The following FARS2 variants were observed in gnomAD, a reference collection of about 807,000 sequenced individuals.
FARS2 encodes the protein phenylalanyl-tRNA synthetase 2, mitochondrial, also known as phenylalanine--tRNA ligase, mitochondrial.
Under a neutral mutation model 46.4 loss-of-function variants are expected in FARS2, and 40 were observed. The ratio of observed to expected loss-of-function variants is 0.86; its 90% CI spans 0.67 to 1.12. FARS2 has a LOEUF of 1.12. FARS2 is among the 50% of genes most tolerant of loss of function. The pLI is 0.00. For missense variants in FARS2, 513 were observed against 567.9 expected (o/e 0.90, Z 0.98); for synonymous variants, 234 against 214.9 (o/e 1.09, Z -0.78).
chr6:5,725,144 G>A (rs1760166189), intron 6 of FARS2, among the ~76,000 whole-genome samples: 1 of 152,270 alleles, frequency 6.6e-6, no homozygotes, highest in South Asian at 2.1e-4. Context: ...ATGATGCGGA[G>A]CAGACACCCC....
chr6:5,409,875 C>T (rs1761832848), intron 3 of FARS2, among the ~76,000 whole-genome samples: 1 of 152,166 alleles, frequency 6.6e-6, no homozygotes, highest in Admixed American at 6.5e-5. Context: ...TTGCCACGAG[C>T]TGTTGTTGTA....
chr6:5,472,956 T>C (rs1005367366), intron 4 of FARS2, among the ~76,000 whole-genome samples: 1 of 152,164 alleles, frequency 6.6e-6, no homozygotes, highest in African/African-American at 2.4e-5. Context: ...AAAGAAAAAG[T>C]GTGTTAATAT....
intron 1 of FARS2, among the ~76,000 whole-genome samples, chr6:5,324,150 A>G (rs1317227288): frequency 2.0e-5 from 3 of 152,174 alleles, no homozygotes; most frequent in African/African-American, 7.2e-5. Flanking sequence ...GTTTTATCTA[A>G]AGTAAACCGG....
At chr6:5,587,613 C>T (rs1201416886) in intron 5 of FARS2, among the ~76,000 whole-genome samples, 3 of 152,182 alleles carry the variant, frequency 2.0e-5, no homozygotes, top group Non-Finnish European at 4.4e-5. Context: ...CTTGAAGATT[C>T]ACACAGCCCA....
At chr6:5,484,466 A>G (rs1336236072) in intron 4 of FARS2, among the ~76,000 whole-genome samples, 1 of 152,198 alleles carries the variant, frequency 6.6e-6, no homozygotes, top group Admixed American at 6.5e-5. Context: ...ACCACATGTG[A>G]CTGGTGAACT....
rs546063288 is a variant in FARS2 at position 5,274,862 on chromosome 6, C to T, written c.-22+13202C>T. ...AGTAGCTGGGACTACAGGTGCATGCCACCTCACCCAGCTAATTAAAACAAA... is the reference window on the plus strand; with the variant it reads ...AGTAGCTGGGACTACAGGTGCATGCTACCTCACCCAGCTAATTAAAACAAA... On this transcript the variant is annotated intron_variant, in intron 1 of 6. Transcript: ENST00000274680. Among the ~76,000 whole-genome samples the T allele has an allele frequency of 5.9e-5, 9 of 152,220 alleles. No homozygotes were observed. The South Asian group carries it at 6.2e-4, about 11-fold the overall frequency.
intron 5 of FARS2, among the ~76,000 whole-genome samples, chr6:5,607,494 T>C (rs1774911229): frequency 6.6e-6 from 1 of 152,078 alleles, no homozygotes. Context: ...AAATAAAATA[T>C]ATTGATAATC....
intron 6 of FARS2, among the ~76,000 whole-genome samples, chr6:5,694,055 A>T (rs748639300): frequency 1.3e-5 from 2 of 152,210 alleles, no homozygotes; most frequent in Non-Finnish European, 2.9e-5. Flanking sequence ...GCACTGGAAG[A>T]TCATGTAAGT....
chr6:5,379,550 G>A (rs1259462772), intron 2 of FARS2, among the ~76,000 whole-genome samples: 5 of 152,148 alleles, frequency 3.3e-5, no homozygotes, highest in Admixed American at 6.5e-5. Flanking sequence ...CCTCCTTCCC[G>A]CAGCTGTGGT....
chr6:5,262,658 C>T (rs1363318225), intron 1 of FARS2, among the ~76,000 whole-genome samples: 1 of 152,160 alleles, frequency 6.6e-6, no homozygotes, highest in Admixed American at 6.5e-5. Flanking sequence ...ACCTGGTGTC[C>T]TTGCATCCAG....
chr6:5,324,559 T>C (rs897429909), intron 1 of FARS2, among the ~76,000 whole-genome samples: 3 of 151,960 alleles, frequency 2.0e-5, no homozygotes, highest in African/African-American at 4.8e-5. Flanking sequence ...TTCTCACTTA[T>C]TGGTCTGCTT....
chr6:5,724,494 C>T (rs1760124998), intron 6 of FARS2, among the ~76,000 whole-genome samples: 1 of 152,214 alleles, frequency 6.6e-6, no homozygotes, highest in African/African-American at 2.4e-5. Context: ...GGGTGGCCCA[C>T]AGCCAAGGAA....
At chr6:5,346,927 T>C (rs1027992994) in intron 1 of FARS2, among the ~76,000 whole-genome samples, 5 of 147,356 alleles carry the variant, frequency 3.4e-5, no homozygotes, top group African/African-American at 1.2e-4. Context: ...TTTTTTTTTT[T>C]AATTGAGATG....
chr6:5,335,838 T>G (rs1771120485), intron 1 of FARS2, among the ~76,000 whole-genome samples: 2 of 152,232 alleles, frequency 1.3e-5, no homozygotes, highest in South Asian at 4.1e-4. Context: ...CTCATTTTAA[T>G]TTAGTCATAT....
At chr6:5,762,894 G>A (rs76717151) in intron 6 of FARS2, among the ~76,000 whole-genome samples, 1,925 of 152,322 alleles carry the variant, frequency 0.013, 21 homozygotes, top group Non-Finnish European at 0.019. Flanking sequence ...TGGGAGCTGG[G>A]GGAGGCACCG....
chr6:5,539,054 A>T (rs183022234), intron 4 of FARS2, among the ~76,000 whole-genome samples: 140 of 152,164 alleles, frequency 9.2e-4, no homozygotes, highest in African/African-American at 3.2e-3. Context: ...AGGTAGAGCC[A>T]GTCTCCTCTC....
At chr6:5,587,812 C>T (rs762945022) in intron 5 of FARS2, among the ~76,000 whole-genome samples, 1 of 152,050 alleles carries the variant, frequency 6.6e-6, no homozygotes. Flanking sequence ...CATTGTGTGA[C>T]CTTGGGATCA....
chr6:5,353,133 C>T (rs1251430081), intron 1 of FARS2, among the ~76,000 whole-genome samples: 2 of 152,164 alleles, frequency 1.3e-5, no homozygotes, highest in East Asian at 3.8e-4. Flanking sequence ...TTCTTTAGCT[C>T]CCGCATGAGT....
chr6:5,520,596 C>T (rs1002617543), intron 4 of FARS2, among the ~76,000 whole-genome samples: 1 of 152,174 alleles, frequency 6.6e-6, no homozygotes, highest in Non-Finnish European at 1.5e-5. Context: ...GTTGTCTACC[C>T]TCCTTCCTCT....
Sources: allele counts gnomAD v4.1 joint callset (sites outside exome capture counted in the v4.1 genomes callset), GRCh38; gene constraint gnomAD v4.1.1; transcripts MANE v1.5; gene names NCBI Gene and HGNC (gene_info 2026-07-23, HGNC 2026-07-21).